UBR1: variants seen among roughly 807,000 people sequenced by gnomAD.
UBR1 encodes the protein ubiquitin protein ligase E3 component n-recognin 1, also known as E3 ubiquitin-protein ligase UBR1.
In UBR1, 102 loss-of-function variants were observed where a neutral mutation model predicts 242.1. That is an observed-to-expected ratio of 0.42 (90% CI 0.36 to 0.50). UBR1 has a LOEUF of 0.50. Ranked by LOEUF, UBR1 falls within the 20% of genes least tolerant of loss-of-function variation. The pLI is 0.01. For synonymous variants in UBR1, 675 were observed against 684.8 expected, an observed-to-expected ratio of 0.99 and a Z score of 0.22; for missense variants, 1,772 against 2,101.8, an observed-to-expected ratio of 0.84 and a Z score of 3.07.
chr15:43,054,686 C>G lies in UBR1; in HGVS notation c.1439+56G>C, dbSNP rs2033595084. Reference sequence around the variant, plus strand: ...TCACAGGATTACTTATAAGACACAGCAAATAAGCACACTGAGTTTAACAGG... The same window carrying G: ...TCACAGGATTACTTATAAGACACAGGAAATAAGCACACTGAGTTTAACAGG... On this transcript the variant is annotated intron_variant, in intron 12 of 46. Transcript: ENST00000290650. 21 of 1,590,816 alleles carry G rather than the reference C, an allele frequency of 1.3e-5. No homozygotes were observed. The East Asian group carries it at 4.7e-4, about 36-fold the overall frequency.
At chr15:42,971,805 A>G (rs537550535) in intron 39 of UBR1, among the ~76,000 whole-genome samples, 278 of 152,330 alleles carry the variant, frequency 1.8e-3, no homozygotes, top group Non-Finnish European at 3.3e-3. Flanking sequence ...CTATCTGATG[A>G]TGAGTTTGAC....
intron 42 of UBR1, among the ~76,000 whole-genome samples, chr15:42,961,685 G>A (rs529690042): frequency 7.9e-5 from 12 of 151,216 alleles, no homozygotes; most frequent in Non-Finnish European, 1.6e-4. Context: ...TGCCCACCTC[G>A]GCCTCCCAAA....
chr15:42,992,513 G>GCCA (rs1187904276), intron 33 of UBR1, among the ~76,000 whole-genome samples: 5 of 152,304 alleles, frequency 3.3e-5, no homozygotes, highest in African/African-American at 1.2e-4. Flanking sequence ...CCTGTGCTGT[G>GCCA]GTGTTTTGAT....
intron 4 of UBR1, among the ~76,000 whole-genome samples, chr15:43,073,232 T>C (rs1046867845): frequency 2.6e-5 from 4 of 152,210 alleles, no homozygotes; most frequent in Non-Finnish European, 5.9e-5. Flanking sequence ...TTAATATTAA[T>C]GACTGATTTC....
intron 4 of UBR1, among the ~76,000 whole-genome samples, chr15:43,073,498 A>G (rs1294607807): frequency 1.3e-5 from 2 of 152,178 alleles, no homozygotes; most frequent in African/African-American, 4.8e-5. Context: ...TGAACTAGAG[A>G]TACTTGGTTA....
chr15:42,969,511 T>C (rs1048040575), intron 40 of UBR1, among the ~76,000 whole-genome samples: 2 of 152,212 alleles, frequency 1.3e-5, no homozygotes, highest in African/African-American at 4.8e-5. Flanking sequence ...GCAGAGGCTC[T>C]TTTGTTTAAT....
At chr15:43,104,377 CCTT>C (rs1335558354) in intron 1 of UBR1, among the ~76,000 whole-genome samples, 1 of 152,192 alleles carries the variant, frequency 6.6e-6, no homozygotes, top group Non-Finnish European at 1.5e-5. Flanking sequence ...TTTCCCCACT[CCTT>C]CTAACAAGCA....
At chr15:43,056,492 T>TA (rs35128635) in intron 10 of UBR1, 50 bp from the exon 11 acceptor site, 191 of 1,273,776 alleles carry the variant, frequency 1.5e-4, no homozygotes, top group East Asian at 2.6e-4. Context: ...TAAAGACCTT[T>TA]AAAAAATCCC....
intron 1 of UBR1, among the ~76,000 whole-genome samples, chr15:43,103,276 A>G (rs2034260086): frequency 1.3e-5 from 2 of 152,198 alleles, no homozygotes; most frequent in African/African-American, 2.4e-5. Context: ...TGAGGTGGGA[A>G]GATCATCTGA....
At chr15:42,999,805 CAGTG>C (rs1319252134) in intron 32 of UBR1, among the ~76,000 whole-genome samples, 4 of 150,506 alleles carry the variant, frequency 2.7e-5, no homozygotes, top group Non-Finnish European at 5.9e-5. Flanking sequence ...CTCCAGCACA[CAGTG>C]AGACCCTATC....
Position 42,988,827 on chromosome 15 carries a change from T to C in UBR1, c.3989A>G (p.Gln1330Arg). 1 of 1,614,234 alleles carries C rather than the reference T, an allele frequency of 6.2e-7. No individual in the cohort carries two copies. The highest frequency in any genetic ancestry group is 8.5e-7 in the Non-Finnish European group (1 of 1,180,050). The change falls in exon 35 of 47, where the codon CAG becomes CGG. Residue 1330 changes from glutamine (Q) to arginine (R), a missense_variant. Transcript: ENST00000290650. ...LTWSTCAFTI[Q>R]AIENLLGDEG... ...TTTCTTATGAGCTTTACCAATTGCC[T>C]GGATAGTGAAAGCGCAGGTGCTCCA... is the stretch of plus-strand genomic sequence containing the variant.
At chr15:42,997,585 T>A (rs1353989907) in intron 33 of UBR1, among the ~76,000 whole-genome samples, 1 of 152,198 alleles carries the variant, frequency 6.6e-6, no homozygotes, top group African/African-American at 2.4e-5. Flanking sequence ...GCCATACTTG[T>A]CTCACAACTG....
chr15:43,068,089 T>TAAAAAAAAAAAAAAA, intron 5 of UBR1, 53 bp from the exon 6 acceptor site: 1 of 787,320 alleles, frequency 1.3e-6, no homozygotes, highest in Non-Finnish European at 1.7e-6. Flanking sequence ...AAAGGAAAAG[T>TAAAAAAAAAAAAAAA]AAAAAAAAAA....
At chr15:42,977,294 T>C (rs2032305526) in intron 38 of UBR1, among the ~76,000 whole-genome samples, 1 of 152,150 alleles carries the variant, frequency 6.6e-6, no homozygotes, top group Non-Finnish European at 1.5e-5. Context: ...GACCACTGGG[T>C]AGAGGCCTAG....
intron 6 of UBR1, among the ~76,000 whole-genome samples, chr15:43,066,353 T>G (rs1034060803): frequency 3.9e-5 from 6 of 152,358 alleles, no homozygotes; most frequent in African/African-American, 1.2e-4. Context: ...AGTACCATGC[T>G]GTTTTGGTTA....
chr15:42,953,788 A>G (rs967964167), intron 44 of UBR1, among the ~76,000 whole-genome samples: 11 of 152,200 alleles, frequency 7.2e-5, no homozygotes, highest in African/African-American at 1.7e-4. Context: ...ATGTGAAATC[A>G]TAAGTGGTAA....
intron 44 of UBR1, among the ~76,000 whole-genome samples, chr15:42,956,465 G>A (rs959625038): frequency 4.6e-5 from 7 of 152,154 alleles, no homozygotes; most frequent in African/African-American, 1.7e-4. Context: ...GATTACAGGT[G>A]CGCACCACCA....
At chr15:43,097,087 G>A (rs539852225) in intron 1 of UBR1, among the ~76,000 whole-genome samples, 8 of 152,260 alleles carry the variant, frequency 5.3e-5, no homozygotes, top group African/African-American at 1.9e-4. Context: ...AGAGTTGAGA[G>A]TTGCAATTAC....
At chr15:43,046,735 G>A (rs1029949572) in intron 14 of UBR1, among the ~76,000 whole-genome samples, 1 of 152,030 alleles carries the variant, frequency 6.6e-6, no homozygotes, top group South Asian at 2.1e-4. Flanking sequence ...ATTTAAAGAC[G>A]GTTATGGTCT....
Sources: gnomAD v4.1 joint callset for allele counts (sites outside exome capture counted in the v4.1 genomes callset) on GRCh38, gnomAD v4.1.1 for gene constraint, MANE v1.5 for transcripts, NCBI Gene and HGNC (gene_info 2026-07-23, HGNC 2026-07-21) for gene names.